CDC42SE2: variants seen among roughly 807,000 people sequenced by gnomAD.
CDC42SE2 encodes CDC42 small effector 2, also known as CDC42 small effector protein 2.
In CDC42SE2, 3 loss-of-function variants were observed where a neutral mutation model predicts 11.5. That is an observed-to-expected ratio of 0.26 (90% CI 0.12 to 0.67). CDC42SE2 has a LOEUF of 0.67. Among genes scored for constraint, CDC42SE2 ranks in the 30% least tolerant of loss-of-function variants. The pLI is 0.80. For synonymous variants in CDC42SE2, 33 were observed against 34.8 expected (o/e 0.95, Z 0.18); for missense variants, 82 against 106.8 (o/e 0.77, Z 1.02).
In CDC42SE2 at chr5:131,347,580, G is replaced by A. The variant is rs1388629400; in HGVS notation, c.-285-11629G>A. On this transcript the variant is annotated intron_variant, in intron 2 of 4. Transcript: ENST00000505065. The stretch of plus-strand genomic sequence containing the variant: ...AATTCTACCAGAGGTACAAAGAGGA[G>A]CTGGTACCATTCCTTCTGAAACTAC... Among the ~76,000 whole-genome samples the A allele has an allele frequency of 2.6e-5, 4 of 152,264 alleles. No individual in the cohort carries two copies. In the South Asian group the frequency reaches 6.2e-4, roughly 24 times the overall value.
intron 2 of CDC42SE2, among the ~76,000 whole-genome samples, chr5:131,325,134 C>T (rs892093314): frequency 2.0e-5 from 3 of 152,066 alleles, no homozygotes; most frequent in Non-Finnish European, 4.4e-5. Flanking sequence ...AGAAATATTG[C>T]AAGAAAACAT....
chr5:131,241,360 C>T (rs547853255), upstream of CDC42SE2, among the ~76,000 whole-genome samples: 26 of 152,224 alleles, frequency 1.7e-4, no homozygotes, highest in East Asian at 4.2e-3. Context: ...TGAACCTATC[C>T]GGGCATTATT....
At chr5:131,335,523 G>A (rs892765305) in intron 2 of CDC42SE2, among the ~76,000 whole-genome samples, 1 of 152,150 alleles carries the variant, frequency 6.6e-6, no homozygotes, top group Non-Finnish European at 1.5e-5. Context: ...GGATATCCTT[G>A]TTAACTTTCT....
At chr5:131,351,471 G>C (rs1336416182) in intron 2 of CDC42SE2, among the ~76,000 whole-genome samples, 2 of 152,098 alleles carry the variant, frequency 1.3e-5, no homozygotes, top group African/African-American at 2.4e-5. Context: ...AGCCAGGATG[G>C]TCTCGATCTC....
Position 131,385,475 on chromosome 5 carries a change from A to G in CDC42SE2, c.55-68A>G, listed in dbSNP as rs944357182. 9.8e-6 allele frequency: 11 copies of G among 1,119,186 alleles called. No individual in the cohort carries two copies. The African/African-American group carries it at 1.7e-4, about 17-fold the overall frequency. 69.3% of individuals were successfully genotyped at this position (1,119,186 alleles called of 1,614,324 possible). The stretch of plus-strand genomic sequence containing the variant: ...GGCAAATTTATTAAACAGTCATAGT[A>G]TAAAAATCCATCAGAATAAGTTGCT... On this transcript the variant is annotated intron_variant, in intron 3 of 4. Transcript: ENST00000505065.
chr5:131,236,556 T>G, the CDC42SE2 span, among the ~76,000 whole-genome samples: 1 of 152,084 alleles, frequency 6.6e-6, no homozygotes, highest in African/African-American at 2.4e-5. Context: ...GCCTCCCGAG[T>G]AGCTGGGACT....
the CDC42SE2 span, among the ~76,000 whole-genome samples, chr5:131,224,133 C>A: frequency 6.6e-6 from 1 of 152,176 alleles, no homozygotes; most frequent in Non-Finnish European, 1.5e-5. Flanking sequence ...GCCTGTTTTT[C>A]TTCTCTCTCC....
At chr5:131,306,494 A>G (rs1023890059) in intron 1 of CDC42SE2, among the ~76,000 whole-genome samples, 1 of 152,070 alleles carries the variant, frequency 6.6e-6, no homozygotes, top group South Asian at 2.1e-4. Context: ...ATTGATTACT[A>G]TAGTTTGTAG....
chr5:131,339,553 T>C (rs1273094520), intron 2 of CDC42SE2, among the ~76,000 whole-genome samples: 4 of 152,080 alleles, frequency 2.6e-5, no homozygotes, highest in African/African-American at 9.7e-5. Flanking sequence ...ATACCTGTAA[T>C]CCCAGGACTT....
chr5:131,380,010 C>A (rs886619034), intron 3 of CDC42SE2, among the ~76,000 whole-genome samples: 33 of 151,882 alleles, frequency 2.2e-4, no homozygotes, highest in African/African-American at 8.0e-4. Context: ...CCCCGCCAAC[C>A]CCCCACCCCA....
chr5:131,240,527 G>A (rs547238697), upstream of CDC42SE2, among the ~76,000 whole-genome samples: 31 of 152,216 alleles, frequency 2.0e-4, no homozygotes, highest in African/African-American at 7.0e-4. Flanking sequence ...AAACACAAAC[G>A]CGTCGGGGTA....
At chr5:131,297,983 T>A (rs1757606419) in intron 1 of CDC42SE2, among the ~76,000 whole-genome samples, 1 of 152,114 alleles carries the variant, frequency 6.6e-6, no homozygotes, top group Non-Finnish European at 1.5e-5. Context: ...TAGCTATTTT[T>A]ATGAGTAGTT....
At chr5:131,389,826 GCTCT>G (rs1413534913) in intron 4 of CDC42SE2, among the ~76,000 whole-genome samples, 2 of 152,096 alleles carry the variant, frequency 1.3e-5, no homozygotes, top group Admixed American at 1.3e-4. Flanking sequence ...CATTGCTAGT[GCTCT>G]CTCTCCACTA....
At position 131,393,817 on chromosome 5, in the gene CDC42SE2, GTTTTTTTTTTTTTTTT is replaced by G. The variant is rs71000990; in HGVS notation, c.*2737_*2752del. 1 of 118,706 alleles carries G rather than the reference GTTTTTTTTTTTTTTTT, an allele frequency of 8.4e-6. No homozygotes were observed. Among genetic ancestry groups the G allele is most frequent in the Non-Finnish European group, 1.7e-5 (1 of 58,190 alleles). The allele number at this position is 118,706 out of a possible 1,614,324, so 7.4% of individuals were successfully genotyped here. ...GATTTTAGTCTTTTTCCAAATCGCTGTTTTTTTTTTTTTTTTTTTTTTTTTTGCTGCTCCAACGACC... is the reference window on the plus strand; with the variant it reads ...GATTTTAGTCTTTTTCCAAATCGCTGTTTTTTTTTTGCTGCTCCAACGACC... On this transcript the variant is annotated 3_prime_UTR_variant, in exon 5 of 5. Coordinates refer to ENST00000505065, the MANE Select transcript of CDC42SE2 (RefSeq NM_001375635.1).
intron 3 of CDC42SE2, among the ~76,000 whole-genome samples, chr5:131,371,871 G>A (rs910591549): frequency 2.6e-5 from 4 of 152,162 alleles, no homozygotes; most frequent in Non-Finnish European, 4.4e-5. Context: ...TTCAGAAAGC[G>A]TTTCTTGCTA....
At chr5:131,250,987 G>T (rs2149683124) in intron 1 of CDC42SE2, among the ~76,000 whole-genome samples, 1 of 152,194 alleles carries the variant, frequency 6.6e-6, no homozygotes, top group South Asian at 2.1e-4. Flanking sequence ...GGGAAGTAGG[G>T]TTATATGAGA....
intron 2 of CDC42SE2, among the ~76,000 whole-genome samples, chr5:131,336,605 C>T (rs1311003492): frequency 6.6e-6 from 1 of 152,236 alleles, no homozygotes; most frequent in Non-Finnish European, 1.5e-5. Flanking sequence ...CTTTCAGGTA[C>T]ACCATTGAGA....
the CDC42SE2 span, among the ~76,000 whole-genome samples, chr5:131,217,768 T>A: frequency 6.6e-6 from 1 of 152,106 alleles, no homozygotes. Context: ...AAGACACCAA[T>A]AAGAAAATGA....
chr5:131,375,638 C>T (rs1311250900), intron 3 of CDC42SE2, among the ~76,000 whole-genome samples: 1 of 152,022 alleles, frequency 6.6e-6, no homozygotes, highest in Admixed American at 6.6e-5. Flanking sequence ...ATTTTTCCCA[C>T]CGTAGAAGAT....
Sources: allele counts gnomAD v4.1 joint callset (sites outside exome capture counted in the v4.1 genomes callset), GRCh38; gene constraint gnomAD v4.1.1; transcripts MANE v1.5; gene names NCBI Gene and HGNC (gene_info 2026-07-23, HGNC 2026-07-21).